SDC3: variants seen among roughly 807,000 people sequenced by gnomAD.
SDC3 encodes the protein syndecan-3.
SDC3 carries 13 observed loss-of-function variants against 24.4 expected under a neutral mutation model. That is an observed-to-expected ratio of 0.53 (90% CI 0.35 to 0.85). SDC3 has a LOEUF of 0.85. SDC3 is among the 40% of genes least tolerant of loss of function. SDC3 has a pLI of 0.01. For missense variants in SDC3, 571 were observed against 584.5 expected, an observed-to-expected ratio of 0.98 and a Z score of 0.24; for synonymous variants, 295 against 260.9, an observed-to-expected ratio of 1.13 and a Z score of -1.26.
intron 1 of SDC3, among the ~76,000 whole-genome samples, chr1:30,894,616 TGAGTGTGG>T: frequency 7.8e-6 from 1 of 128,190 alleles, no homozygotes; most frequent in Non-Finnish European, 1.7e-5. Context: ...TGGATGAGTG[TGAGTGTGG>T]GTGAGAGTGT....
intron 1 of SDC3, 120 bp downstream of exon 1, chr1:30,908,329 G>A: frequency 2.2e-6 from 1 of 450,452 alleles, no homozygotes. Flanking sequence ...CGGCCCCGGG[G>A]GAAGCAGCCG....
chr1:30,903,955 G>A (rs1638464356), intron 1 of SDC3, among the ~76,000 whole-genome samples: 1 of 152,098 alleles, frequency 6.6e-6, no homozygotes, highest in Non-Finnish European at 1.5e-5. Context: ...TGGGGGTTGT[G>A]GCTCACAACT....
Position 30,873,185 on chromosome 1 carries a change from G to A in SDC3, c.*26C>T. The A allele has an allele frequency of 3.8e-6, 6 of 1,586,020 alleles. No individual in the cohort carries two copies. The highest frequency in any genetic ancestry group is 5.2e-6 in the Non-Finnish European group (6 of 1,155,316). ...GGACTGGACAGCAGGGTGGTGTTGA[G>A]GCTGCAGGGAGGCACTGTGGCTCCA... On this transcript the variant is annotated 3_prime_UTR_variant, in exon 5 of 5. Coordinates refer to ENST00000339394, the MANE Select transcript of SDC3 (RefSeq NM_014654.4).
In SDC3 at chr1:30,876,562, T is replaced by G. The variant is rs1639640133; in HGVS notation, c.860A>C (p.Glu287Ala). 1 of 1,433,940 alleles carries G rather than the reference T, an allele frequency of 7.0e-7. No individual in the cohort carries two copies. The highest frequency in any genetic ancestry group is 1.5e-5 in the African/African-American group (1 of 68,360). 88.8% of individuals were successfully genotyped at this position (1,433,940 alleles called of 1,614,324 possible). Residue 287 changes from glutamate to alanine, a missense_variant, in exon 3 of 5, where the codon GAG becomes GCG. Coordinates refer to ENST00000339394, the MANE Select transcript of SDC3 (RefSeq NM_014654.4). ...PLGTTAPGPT[E>A]VAQTPTPETF... ...TCTCAACACCCTCACCTGAGCCACC[T>G]CTGTGGGTCCAGGGGCAGTGGTCCC... is the stretch of plus-strand genomic sequence containing the variant.
intron 3 of SDC3, among the ~76,000 whole-genome samples, chr1:30,875,030 G>A (rs1283423491): frequency 6.6e-6 from 1 of 152,216 alleles, no homozygotes; most frequent in Non-Finnish European, 1.5e-5. Context: ...GCCTAAGGCA[G>A]GGGAGCATTC....
chr1:30,909,156 G>T (rs1214301499), upstream of SDC3, among the ~76,000 whole-genome samples: 3 of 152,178 alleles, frequency 2.0e-5, no homozygotes, highest in Non-Finnish European at 4.4e-5. Context: ...CTCCACGCAC[G>T]TGTCTCTTCC....
At chr1:30,874,941 C>T (rs1639613350) in intron 3 of SDC3, among the ~76,000 whole-genome samples, 1 of 152,206 alleles carries the variant, frequency 6.6e-6, no homozygotes, top group African/African-American at 2.4e-5. Flanking sequence ...AGTAACAATC[C>T]TTGGGGGATT....
intron 1 of SDC3, among the ~76,000 whole-genome samples, chr1:30,903,884 G>A (rs1432412483): frequency 1.3e-5 from 2 of 152,106 alleles, no homozygotes; most frequent in African/African-American, 4.8e-5. Flanking sequence ...GTGTGACTTT[G>A]AGTAAGTCAC....
chr1:30,876,045 C>G (rs1639631000), intron 3 of SDC3, among the ~76,000 whole-genome samples: 1 of 152,194 alleles, frequency 6.6e-6, no homozygotes, highest in African/African-American at 2.4e-5. Context: ...CAGCTGAGAA[C>G]CCACTGGCTG....
intron 1 of SDC3, among the ~76,000 whole-genome samples, chr1:30,882,434 C>A (rs1639758517): frequency 6.6e-6 from 1 of 152,128 alleles, no homozygotes; most frequent in South Asian, 2.1e-4. Flanking sequence ...GACCCACAGG[C>A]CCCCTCACTC....
rs1639638772 is a variant in SDC3 at position 30,876,485 on chromosome 1, T to G, written c.870+67A>C. 5.8e-6 allele frequency: 8 copies of G among 1,371,376 alleles called. 1 individual carries two copies. The South Asian group carries it at 1.3e-4, about 23-fold the overall frequency. 85.0% of individuals were successfully genotyped at this position (1,371,376 alleles called of 1,614,324 possible). A position where few individuals can be genotyped will look rare whatever the true frequency, so the allele number is the denominator to read the frequency against. The stretch of plus-strand genomic sequence containing the variant: ...TGGTCCTCAGTCCTGTCCAGCCCCA[T>G]CCTCCTCATCCCTCCCCTGACCCAC... On this transcript the variant is annotated intron_variant, in intron 3 of 4. Coordinates refer to ENST00000339394, the MANE Select transcript of SDC3 (RefSeq NM_014654.4).
At chr1:30,874,632 G>T (rs774681886) in intron 3 of SDC3, 44 bp from the exon 4 acceptor site, 1 of 1,572,936 alleles carries the variant, frequency 6.4e-7, no homozygotes, top group East Asian at 2.2e-5. Flanking sequence ...ACACATGCAT[G>T]CATAACCCCC....
At chr1:30,889,218 G>T (rs1317664647) in intron 1 of SDC3, among the ~76,000 whole-genome samples, 1 of 152,176 alleles carries the variant, frequency 6.6e-6, no homozygotes, top group East Asian at 1.9e-4. Flanking sequence ...CTCAGGGGTT[G>T]GGAGGATTAA....
intron 1 of SDC3, among the ~76,000 whole-genome samples, chr1:30,884,989 C>T (rs899583439): frequency 2.0e-5 from 3 of 152,092 alleles, no homozygotes; most frequent in African/African-American, 7.2e-5. Flanking sequence ...TCATAGAAGG[C>T]TTTTTTTTAC....
rs1638586072 is a variant in SDC3 at position 30,908,714 on chromosome 1, C to A, written c.-128G>T. The A allele has an allele frequency of 2.6e-5, 6 of 232,090 alleles. No individual in the cohort carries two copies. The highest frequency in any genetic ancestry group is 4.1e-5 in the Non-Finnish European group (6 of 145,132). 14.4% of individuals were successfully genotyped at this position (232,090 alleles called of 1,614,324 possible). On this transcript the variant is annotated 5_prime_UTR_variant, in exon 1 of 5. Transcript: ENST00000339394. The stretch of plus-strand genomic sequence containing the variant: ...GACCGACGCGCTCTAGGCTCGCGGG[C>A]TCCCGGCTCGGCCGCCCGGCTCCGC...
intron 1 of SDC3, among the ~76,000 whole-genome samples, chr1:30,886,097 C>A (rs2124324647): frequency 6.6e-6 from 1 of 151,918 alleles, no homozygotes; most frequent in South Asian, 2.1e-4. Context: ...GCACCCCCCA[C>A]ACCCCACTCC....
chr1:30,872,334 T>A lies in SDC3; in HGVS notation c.*877A>T, dbSNP rs1304165819. 1 of 152,332 alleles carries A rather than the reference T, an allele frequency of 6.6e-6. No individual in the cohort carries two copies. The highest frequency in any genetic ancestry group is 1.5e-5 in the Non-Finnish European group (1 of 68,086). 9.4% of individuals were successfully genotyped at this position (152,332 alleles called of 1,614,324 possible). A position where few individuals can be genotyped will look rare whatever the true frequency, so the allele number is the denominator to read the frequency against. On this transcript the variant is annotated 3_prime_UTR_variant, in exon 5 of 5. Transcript: ENST00000339394. ...AGTGACTTGCATTGCAGTACGTGTC[T>A]GGGGGTGTGTAAGTGATGCATGAGG... is the stretch of plus-strand genomic sequence containing the variant.
intron 2 of SDC3, chr1:30,877,812 G>C (rs900391309): frequency 6.5e-6 from 1 of 153,664 alleles, no homozygotes; most frequent in African/African-American, 2.4e-5. Flanking sequence ...TTTGCGAATA[G>C]AGATGTGACC....
rs368647928 is a variant in SDC3 at position 30,876,857 on chromosome 1, T to G, written c.565A>C (p.Ser189Arg). Residue 189 changes from serine to arginine, a missense_variant, in exon 3 of 5, where the codon AGC becomes CGC. By Grantham distance (110) the Ser-to-Arg change is moderately radical. Transcript: ENST00000339394. ...VPATVATATP[S>R]TPAAPPFTAT... ...GTAAAAGGGGGTGCTGCAGGGGTGC[T>G]GGGGGTGGCGGTGGCCACTGTGGCA... 2 of 1,613,310 alleles carry G rather than the reference T, an allele frequency of 1.2e-6. No individual in the cohort carries two copies. Among genetic ancestry groups the G allele is most frequent in the Non-Finnish European group, 1.7e-6 (2 of 1,179,696 alleles).
Sources: allele counts gnomAD v4.1 joint callset (sites outside exome capture counted in the v4.1 genomes callset), GRCh38; gene constraint gnomAD v4.1.1; transcripts MANE v1.5; gene names NCBI Gene and HGNC (gene_info 2026-07-23, HGNC 2026-07-21).